Variants in MACROD1 observed in about 807,000 individuals in gnomAD.
The protein encoded by MACROD1 is ADP-ribose glycohydrolase MACROD1.
MACROD1 carries 31 observed loss-of-function variants against 41.4 expected under a neutral mutation model. The ratio of observed to expected loss-of-function variants is 0.75; its 90% CI spans 0.56 to 1.01. MACROD1 has a LOEUF of 1.01. Among genes scored for constraint, MACROD1 ranks in the 50% least tolerant of loss-of-function variants. The pLI, the probability that MACROD1 is intolerant of heterozygous loss-of-function variation, is 0.00. For synonymous variants in MACROD1, 252 were observed against 203.4 expected, an observed-to-expected ratio of 1.24 and a Z score of -2.03; for missense variants, 473 against 460.0, an observed-to-expected ratio of 1.03 and a Z score of -0.26.
intron 3 of MACROD1, among the ~76,000 whole-genome samples, chr11:64,079,460 G>T (rs1944265655): frequency 6.6e-6 from 1 of 152,312 alleles, no homozygotes; most frequent in African/African-American, 2.4e-5. Context: ...GAAATGAGCA[G>T]CCGGGCACGC....
At position 64,082,569 on chromosome 11, in the gene MACROD1, T is replaced by C. The variant is rs1944323378; in HGVS notation, c.518-67288A>G. On this transcript the variant is annotated intron_variant, in intron 3 of 10. Transcript: ENST00000255681. The surrounding 1 kb of genome is among the most constrained non-coding windows in gnomAD (Gnocchi z 4.5). ...TCAGAGCTCCAGGCGGAAGTAGGGT[T>C]CAGATTCAGGTGAAGCTTAGGGGTC... is the stretch of plus-strand genomic sequence containing the variant. 6.6e-6 allele frequency among the ~76,000 whole-genome samples: 1 copy of C among 151,832 alleles called. No homozygotes were observed. Among genetic ancestry groups the C allele is most frequent in the Non-Finnish European group, 1.5e-5 (1 of 67,936 alleles).
At chr11:64,081,911 C>T (rs983428378) in intron 3 of MACROD1, 1 of 152,196 alleles carries the variant, frequency 6.6e-6, no homozygotes, top group Non-Finnish European at 1.5e-5. Flanking sequence ...CATCCTGCAG[C>T]CCTCTGGACT....
intron 3 of MACROD1, among the ~76,000 whole-genome samples, chr11:64,025,117 T>C (rs902706266): frequency 2.0e-5 from 3 of 152,134 alleles, no homozygotes; most frequent in African/African-American, 4.8e-5. Flanking sequence ...TAGCTGGGAC[T>C]ACAGGCACAC....
intron 3 of MACROD1, among the ~76,000 whole-genome samples, chr11:64,086,723 G>T (rs968127841): frequency 6.6e-6 from 1 of 152,162 alleles, no homozygotes; most frequent in African/African-American, 2.4e-5. Context: ...AAGAAGGAAG[G>T]TTCTCGTGCT....
At chr11:64,095,738 T>C (rs1019859056) in intron 3 of MACROD1, among the ~76,000 whole-genome samples, 2 of 152,186 alleles carry the variant, frequency 1.3e-5, no homozygotes, top group East Asian at 3.9e-4. Context: ...AGGGAGGTGC[T>C]GCACACTGGA....
rs1195531380 is a variant in MACROD1 at position 63,999,032 on chromosome 11, T to TCCACCTGCG, written c.892-5_895dup (p.Val298_Asp299insAlaGlnVal). ...GAGGAACACGCAGATGATCAGCCGG[T>TCCACCTGCG]CCACCTGCGCCAGGGGCTGCTCAGC... On this transcript the variant is annotated inframe_insertion, in exon 9 of 11. Coordinates refer to ENST00000255681, the MANE Select transcript of MACROD1 (RefSeq NM_014067.4). 1.9e-5 allele frequency: 31 copies of TCCACCTGCG among 1,602,916 alleles called. No homozygotes were observed. The highest frequency in any genetic ancestry group is 2.5e-5 in the Non-Finnish European group (29 of 1,175,768).
chr11:64,078,243 G>A (rs1253730817), intron 3 of MACROD1, among the ~76,000 whole-genome samples: 1 of 152,184 alleles, frequency 6.6e-6, no homozygotes, highest in Admixed American at 6.5e-5. Context: ...CCAGAAGGGA[G>A]GTGGGCAGGT....
At chr11:64,089,582 A>G (rs1259708651) in intron 3 of MACROD1, among the ~76,000 whole-genome samples, 1 of 152,218 alleles carries the variant, frequency 6.6e-6, no homozygotes, top group Non-Finnish European at 1.5e-5. Context: ...GACCAGAGAA[A>G]GCGGCTGAAA....
At chr11:64,102,370 C>G (rs534467265) in intron 3 of MACROD1, among the ~76,000 whole-genome samples, 6 of 152,252 alleles carry the variant, frequency 3.9e-5, no homozygotes, top group African/African-American at 1.4e-4. Flanking sequence ...ACTGACCCCC[C>G]ACCTAGGAAG....
chr11:64,039,615 C>A (rs1485530448), intron 3 of MACROD1, among the ~76,000 whole-genome samples: 1 of 152,182 alleles, frequency 6.6e-6, no homozygotes, highest in African/African-American at 2.4e-5. Flanking sequence ...CCCTCCTCCC[C>A]CCGGACAGCC....
rs554857366 is a variant in MACROD1 at position 64,163,527 on chromosome 11, G to C, written c.298+2170C>G. Among the ~76,000 whole-genome samples, 3 of 152,266 alleles carry C rather than the reference G, an allele frequency of 2.0e-5. No individual in the cohort carries two copies. In the South Asian group the frequency reaches 6.2e-4, roughly 32 times the overall value. ...CCCTCTCGTGGAGCATATGCTCTGG[G>C]GGAAAAGCTTAGGACATCTATCCCA... On this transcript the variant is annotated intron_variant, in intron 1 of 10. Coordinates refer to ENST00000255681, the MANE Select transcript of MACROD1 (RefSeq NM_014067.4).
intron 4 of MACROD1, among the ~76,000 whole-genome samples, chr11:64,010,636 A>G (rs1225755263): frequency 7.0e-4 from 53 of 75,538 alleles, no homozygotes; most frequent in East Asian, 1.3e-3. Context: ...TGTTGGTTGG[A>G]GTGTTGTTTG....
intron 3 of MACROD1, among the ~76,000 whole-genome samples, chr11:64,132,928 G>A (rs1945285706): frequency 6.6e-6 from 1 of 152,208 alleles, no homozygotes; most frequent in South Asian, 2.1e-4. Flanking sequence ...CCAAGGCAAT[G>A]GTGACGGAGT....
intron 3 of MACROD1, among the ~76,000 whole-genome samples, chr11:64,063,242 C>T (rs1025082785): frequency 2.0e-5 from 3 of 152,022 alleles, no homozygotes; most frequent in Non-Finnish European, 2.9e-5. Context: ...TCAGTTTCCT[C>T]ATCTGAACAA....
At chr11:64,003,197 T>C (rs1024671019) in intron 4 of MACROD1, among the ~76,000 whole-genome samples, 5 of 152,136 alleles carry the variant, frequency 3.3e-5, no homozygotes, top group Admixed American at 6.5e-5. Context: ...TCCACCCTCC[T>C]CTACCGTTAA....
rs567825462 is a variant in MACROD1, at chr11:64,099,139, G to A, written c.517+52100C>T. 9.2e-5 allele frequency among the ~76,000 whole-genome samples: 14 copies of A among 152,300 alleles called. No homozygotes were observed. The East Asian group carries it at 1.7e-3, about 19-fold the overall frequency. On this transcript the variant is annotated intron_variant, in intron 3 of 10. Coordinates refer to ENST00000255681, the MANE Select transcript of MACROD1 (RefSeq NM_014067.4). ...ACCTGCCTCCCTCTGGATTGCCACT[G>A]AGCTCACATGTGACTGTCATAACAT... is the stretch of plus-strand genomic sequence containing the variant.
At chr11:64,105,261 C>A (rs1349901781) in intron 3 of MACROD1, among the ~76,000 whole-genome samples, 1 of 152,204 alleles carries the variant, frequency 6.6e-6, no homozygotes, top group Non-Finnish European at 1.5e-5. Flanking sequence ...CCCTACTGCC[C>A]CTCTAGTCCC....
chr11:64,113,133 T>G (rs575199604), intron 3 of MACROD1, among the ~76,000 whole-genome samples: 22 of 152,332 alleles, frequency 1.4e-4, no homozygotes, highest in Non-Finnish European at 2.6e-4. Context: ...CAAGTAGTCT[T>G]GAGTAAGCTA....
chr11:64,129,108 G>A (rs1247455684), intron 3 of MACROD1, among the ~76,000 whole-genome samples: 2 of 152,258 alleles, frequency 1.3e-5, no homozygotes, highest in Admixed American at 1.3e-4. Flanking sequence ...GAAGGGCTGT[G>A]TTCTCAAACT....
Sources: gnomAD v4.1 joint callset for allele counts (sites outside exome capture counted in the v4.1 genomes callset) on GRCh38, gnomAD v4.1.1 for gene constraint, Gnocchi (gnomAD v3.1) non-coding constraint, MANE v1.5 for transcripts, NCBI Gene and HGNC (gene_info 2026-07-23, HGNC 2026-07-21) for gene names.